The following THSD7B variants were observed in gnomAD, a reference collection of about 807,000 sequenced individuals.
THSD7B encodes thrombospondin type 1 domain containing 7B, also known as thrombospondin type-1 domain-containing protein 7B.
Under a neutral mutation model 213.6 loss-of-function variants are expected in THSD7B, and 138 were observed. The observed-to-expected ratio is 0.65, with a 90% CI of 0.56 to 0.74. THSD7B has a LOEUF of 0.74. Ranked by LOEUF, THSD7B falls within the 30% of genes least tolerant of loss-of-function variation. THSD7B has a pLI of 0.00. For synonymous variants in THSD7B, 742 were observed against 687.0 expected, an observed-to-expected ratio of 1.08 and a Z score of -1.25; for missense variants, 1,931 against 1,991.5, an observed-to-expected ratio of 0.97 and a Z score of 0.58.
intron 10 of THSD7B, among the ~76,000 whole-genome samples, chr2:137,258,762 A>C (rs1173166995): frequency 1.3e-5 from 2 of 150,720 alleles, no homozygotes; most frequent in East Asian, 3.9e-4. Context: ...GATTTGCTGC[A>C]CCCGTCAACC....
intron 12 of THSD7B, among the ~76,000 whole-genome samples, chr2:137,366,570 G>A (rs1297190141): frequency 6.6e-6 from 1 of 151,230 alleles, no homozygotes; most frequent in Non-Finnish European, 1.5e-5. Flanking sequence ...CCTTCTATGT[G>A]TTACATCTAC....
At chr2:137,398,873 G>GT (rs917701201) in intron 12 of THSD7B, among the ~76,000 whole-genome samples, 7 of 152,182 alleles carry the variant, frequency 4.6e-5, no homozygotes, top group Admixed American at 1.3e-4. Context: ...TTGGTGCACC[G>GT]TTTTTTAAGC....
At chr2:136,817,910 A>G (rs1402063553) in intron 1 of THSD7B, among the ~76,000 whole-genome samples, 1 of 150,782 alleles carries the variant, frequency 6.6e-6, no homozygotes, top group African/African-American at 2.4e-5. Context: ...GGTGCTGGAG[A>G]GGATGTGGAG....
At chr2:137,132,534 ACTGT>A (rs1688757260) in intron 5 of THSD7B, among the ~76,000 whole-genome samples, 1 of 152,170 alleles carries the variant, frequency 6.6e-6, no homozygotes, top group African/African-American at 2.4e-5. Flanking sequence ...GTATTAAGTG[ACTGT>A]CTTTTAGCTC....
At chr2:137,008,857 A>G (rs1178436352) in intron 2 of THSD7B, among the ~76,000 whole-genome samples, 2 of 152,040 alleles carry the variant, frequency 1.3e-5, no homozygotes, top group Non-Finnish European at 2.9e-5. Context: ...TTATTTTTTC[A>G]TTTTTGAATG....
intron 26 of THSD7B, among the ~76,000 whole-genome samples, chr2:137,664,856 A>G (rs992565331): frequency 1.3e-5 from 2 of 152,230 alleles, no homozygotes; most frequent in Non-Finnish European, 2.9e-5. Flanking sequence ...AAGCAAAGCA[A>G]CATTAACTCC....
intron 2 of THSD7B, among the ~76,000 whole-genome samples, chr2:136,893,025 TG>T (rs1189905622): frequency 6.6e-6 from 1 of 152,154 alleles, no homozygotes; most frequent in Non-Finnish European, 1.5e-5. Flanking sequence ...GTTATTTCAG[TG>T]GAGTATTAGC....
At chr2:137,040,844 T>G (rs1446231711) in intron 2 of THSD7B, among the ~76,000 whole-genome samples, 1 of 152,178 alleles carries the variant, frequency 6.6e-6, no homozygotes, top group East Asian at 1.9e-4. Context: ...TAAATCTTCA[T>G]GTAGATTATG....
At chr2:137,319,443 T>A (rs1201117342) in intron 12 of THSD7B, among the ~76,000 whole-genome samples, 1 of 152,204 alleles carries the variant, frequency 6.6e-6, no homozygotes, top group African/African-American at 2.4e-5. Flanking sequence ...GTCTTGCTTT[T>A]TTCTCTTATT....
At chr2:137,293,395 C>G (rs746358889) in intron 12 of THSD7B, among the ~76,000 whole-genome samples, 2 of 152,016 alleles carry the variant, frequency 1.3e-5, no homozygotes, top group African/African-American at 4.8e-5. Context: ...GCCTTGGCCT[C>G]CCCGAAGTGC....
intron 12 of THSD7B, among the ~76,000 whole-genome samples, chr2:137,339,189 C>T (rs62172681): frequency 3.0e-4 from 46 of 152,070 alleles, no homozygotes; most frequent in Admixed American, 5.9e-4. Context: ...GTTGGAGTCC[C>T]GTGCCATTAG....
intron 10 of THSD7B, among the ~76,000 whole-genome samples, chr2:137,260,330 T>C (rs1388321788): frequency 6.6e-6 from 1 of 152,212 alleles, no homozygotes; most frequent in Non-Finnish European, 1.5e-5. Flanking sequence ...ATAATGTGCT[T>C]TCTGAATTTT....
Position 137,169,226 on chromosome 2 carries a change from C to A in THSD7B, c.1526-1515C>A, listed in dbSNP as rs955837858. ...TCCTTACCTAAAATTCTTGCCCAGC[C>A]CTGTACTTTGCTAAAATACTTAGTA... On this transcript the variant is annotated intron_variant, in intron 6 of 27. Transcript: ENST00000409968. Among the ~76,000 whole-genome samples, 11 of 151,290 alleles carry A rather than the reference C, an allele frequency of 7.3e-5. No individual in the cohort carries two copies. In the South Asian group the frequency reaches 2.3e-3, roughly 31 times the overall value.
chr2:137,672,609 C>CTAT lies in THSD7B; in HGVS notation c.4740-3912_4740-3910dup, dbSNP rs759457418. ...ATAGATATTTTCACAGCATCTAATT[C>CTAT]TATTAAATGGATTGCAGAAGAGTTA... On this transcript the variant is annotated intron_variant, in intron 27 of 27. Coordinates refer to ENST00000409968, the MANE Select transcript of THSD7B (RefSeq NM_001316349.2). Among the ~76,000 whole-genome samples, 39 of 152,176 alleles carry CTAT rather than the reference C, an allele frequency of 2.6e-4. 1 individual carries two copies. The highest frequency in any genetic ancestry group is 4.9e-4 in the Non-Finnish European group (33 of 68,036).
chr2:137,641,480 A>G (rs11893455), intron 20 of THSD7B, among the ~76,000 whole-genome samples: 15,711 of 152,268 alleles, frequency 0.1, 890 homozygotes, highest in African/African-American at 0.12. Flanking sequence ...ACAATTACAT[A>G]ATTAACTTTA....
At chr2:137,019,932 CTCAGTAGCT>C (rs1686412287) in intron 2 of THSD7B, among the ~76,000 whole-genome samples, 1 of 152,154 alleles carries the variant, frequency 6.6e-6, no homozygotes, top group South Asian at 2.1e-4. Context: ...AGTCCAGCTA[CTCAGTAGCT>C]CTGATCCTCT....
intron 12 of THSD7B, among the ~76,000 whole-genome samples, chr2:137,325,979 A>G (rs1009177332): frequency 1.3e-5 from 2 of 152,156 alleles, no homozygotes; most frequent in East Asian, 3.9e-4. Context: ...GTGAGGGAGC[A>G]TTTTTCTTAG....
intron 2 of THSD7B, among the ~76,000 whole-genome samples, chr2:137,018,768 A>T (rs1206718289): frequency 6.6e-6 from 1 of 152,194 alleles, no homozygotes; most frequent in African/African-American, 2.4e-5. Context: ...TTTAAAAAGT[A>T]ACAAAAGTAT....
intron 1 of THSD7B, among the ~76,000 whole-genome samples, chr2:136,867,868 A>G (rs1683368974): frequency 6.6e-6 from 1 of 152,218 alleles, no homozygotes; most frequent in Admixed American, 6.5e-5. Context: ...ATTATTTAGA[A>G]AGTATTTGTG....
Sources: gnomAD v4.1 joint callset for allele counts (sites outside exome capture counted in the v4.1 genomes callset) on GRCh38, gnomAD v4.1.1 for gene constraint, MANE v1.5 for transcripts, NCBI Gene and HGNC (gene_info 2026-07-23, HGNC 2026-07-21) for gene names.